NUP160: variants seen among roughly 807,000 people sequenced by gnomAD.
The protein encoded by NUP160 is nucleoporin 160.
A neutral mutation model predicts 196.9 loss-of-function variants in NUP160; 94 were observed. The observed-to-expected ratio is 0.48, with a 90% CI of 0.40 to 0.57. The LOEUF is 0.57. NUP160 is among the 20% of genes least tolerant of loss of function. The probability of loss-of-function intolerance (pLI) is 0.00; values close to 1 mark genes in which losing one functional copy is unlikely to be tolerated. For missense variants in NUP160, 1,638 were observed against 1,748.3 expected (o/e 0.94, Z 1.13); for synonymous variants, 605 against 619.7 (o/e 0.98, Z 0.35).
chr11:47,840,547 A>G, exon 3 of NUP160: 1 of 1,613,214 alleles, frequency 6.2e-7, no homozygotes, highest in Non-Finnish European at 8.5e-7. Flanking sequence ...ATTTATGTCC[A>G]GTGACTCCTC....
chr11:47,814,229 A>G (rs540918429), intron 13 of NUP160, among the ~76,000 whole-genome samples: 8 of 152,256 alleles, frequency 5.3e-5, no homozygotes, highest in Non-Finnish European at 8.8e-5. Context: ...AGAAACGCTG[A>G]TAACAGTTTG....
intron 22 of NUP160, among the ~76,000 whole-genome samples, chr11:47,802,845 C>T (rs1415367197): frequency 6.6e-6 from 1 of 151,606 alleles, no homozygotes; most frequent in African/African-American, 2.4e-5. Flanking sequence ...AATGGTGGCT[C>T]ACGCCTGTAG....
chr11:47,795,365 T>TATG (rs2097670300), intron 27 of NUP160, among the ~76,000 whole-genome samples: 1 of 152,232 alleles, frequency 6.6e-6, no homozygotes, highest in South Asian at 2.1e-4. Context: ...AGCAGGTTGA[T>TATG]ATAATGTTAT....
intron 7 of NUP160, among the ~76,000 whole-genome samples, chr11:47,830,324 CAG>C (rs1332660134): frequency 6.6e-6 from 1 of 152,168 alleles, no homozygotes; most frequent in African/African-American, 2.4e-5. Context: ...GAACTAAAAA[CAG>C]AACTACCATT....
At position 47,819,330 on chromosome 11, in the gene NUP160, C is replaced by G. The variant is rs759354400; in HGVS notation, c.1362+44G>C. On this transcript the variant is annotated intron_variant, in intron 10 of 35. Coordinates refer to ENST00000378460, the Ensembl canonical transcript of NUP160. ...TCTGTCTCAAAAAAAAAAAAAAGAT[C>G]AAAGTAAATCATTCCCTTATATAAC... The G allele has an allele frequency of 4.8e-6, 6 of 1,246,396 alleles. No individual in the cohort carries two copies. The South Asian group carries it at 5.0e-5, about 10-fold the overall frequency. 77.2% of individuals were successfully genotyped at this position (1,246,396 alleles called of 1,614,324 possible).
At chr11:47,827,081 T>C (rs771533547) in intron 7 of NUP160, 14 of 455,796 alleles carry the variant, frequency 3.1e-5, no homozygotes, top group Non-Finnish European at 6.2e-5. Context: ...TTACGAAAAA[T>C]TCAGGCTGGG....
chr11:47,792,636 T>C, intron 28 of NUP160, 150 bp downstream of exon 28: 1 of 736,160 alleles, frequency 1.4e-6, no homozygotes, highest in Non-Finnish European at 2.2e-6. Context: ...AACAATTGAA[T>C]TGTAAACATA....
chr11:47,822,728 C>G (rs191775883), intron 7 of NUP160, among the ~76,000 whole-genome samples: 1 of 152,172 alleles, frequency 6.6e-6, no homozygotes, highest in Non-Finnish European at 1.5e-5. Flanking sequence ...ACTCCCCCTA[C>G]CCCACGACAG....
At chr11:47,829,741 A>G (rs559601114) in intron 7 of NUP160, among the ~76,000 whole-genome samples, 17 of 152,362 alleles carry the variant, frequency 1.1e-4, no homozygotes, top group South Asian at 4.1e-4. Context: ...AGACTTAAAC[A>G]TAACACGCAA....
exon 28 of NUP160, chr11:47,792,865 C>T: frequency 6.2e-7 from 1 of 1,614,150 alleles, no homozygotes; most frequent in Non-Finnish European, 8.5e-7. Context: ...AGCCAGATAA[C>T]AGTTGCCTTG....
chr11:47,779,042 T>G, exon 36 of NUP160: 1 of 1,178,948 alleles, frequency 8.5e-7, no homozygotes, highest in Non-Finnish European at 1.3e-6. Context: ...ACAGGGTTCC[T>G]GTAGGGTAGT....
intron 2 of NUP160, among the ~76,000 whole-genome samples, chr11:47,847,646 G>C (rs1852424465): frequency 9.7e-6 from 1 of 103,438 alleles, no homozygotes; most frequent in African/African-American, 3.1e-5. Context: ...TGTGTGTGGG[G>C]GTGGGGGGGG....
intron 18 of NUP160, among the ~76,000 whole-genome samples, chr11:47,807,589 TC>T (rs936257580): frequency 6.6e-6 from 1 of 151,742 alleles, no homozygotes; most frequent in Non-Finnish European, 1.5e-5. Context: ...ATTGTTTGAA[TC>T]AGGGAGGTGG....
At chr11:47,826,566 C>CT (rs933219858) in intron 7 of NUP160, among the ~76,000 whole-genome samples, 11 of 151,456 alleles carry the variant, frequency 7.3e-5, no homozygotes, top group Non-Finnish European at 1.5e-4. Context: ...AAAATCCCCC[C>CT]CCCCTTTTTT....
intron 34 of NUP160, 74 bp downstream of exon 34, chr11:47,782,999 C>T (rs1368312032): frequency 1.6e-6 from 2 of 1,283,944 alleles, no homozygotes; most frequent in Non-Finnish European, 2.2e-6. Context: ...ATGTTCATCA[C>T]TTTCAAACCA....
chr11:47,802,553 T>C (rs541584793), intron 22 of NUP160, among the ~76,000 whole-genome samples: 2 of 152,358 alleles, frequency 1.3e-5, no homozygotes, highest in Non-Finnish European at 2.9e-5. Context: ...TACTGTTCAC[T>C]GTAAAAAGTC....
intron 27 of NUP160, among the ~76,000 whole-genome samples, chr11:47,795,944 G>C (rs2097670636): frequency 6.6e-6 from 1 of 151,964 alleles, no homozygotes; most frequent in Non-Finnish European, 1.5e-5. Flanking sequence ...CTGAGGTCAG[G>C]AGTTCAAGAC....
chr11:47,828,678 T>G (rs1225500978), intron 7 of NUP160, among the ~76,000 whole-genome samples: 1 of 152,128 alleles, frequency 6.6e-6, no homozygotes, highest in Non-Finnish European at 1.5e-5. Context: ...CACTTCCTGG[T>G]GTCAAAATTT....
chr11:47,797,561 A>G (rs1208135592), intron 27 of NUP160, among the ~76,000 whole-genome samples: 1 of 152,184 alleles, frequency 6.6e-6, no homozygotes, highest in East Asian at 1.9e-4. Context: ...ATAATTGTAC[A>G]GAAGATGCAC....
Sources: allele counts gnomAD v4.1 joint callset (sites outside exome capture counted in the v4.1 genomes callset), GRCh38; gene constraint gnomAD v4.1.1; transcripts MANE v1.5; gene names NCBI Gene and HGNC (gene_info 2026-07-23, HGNC 2026-07-21).